The following DPP6 variants were observed in gnomAD, a reference collection of about 807,000 sequenced individuals.
The protein encoded by DPP6 is A-type potassium channel modulatory protein DPP6.
A neutral mutation model predicts 122.6 loss-of-function variants in DPP6; 69 were observed. The ratio of observed to expected loss-of-function variants is 0.56; its 90% CI spans 0.46 to 0.69. The LOEUF (loss-of-function observed/expected upper bound fraction) is 0.69. Ranked by LOEUF, DPP6 falls within the 30% of genes least tolerant of loss-of-function variation. DPP6 has a pLI of 0.00. For synonymous variants in DPP6, 418 were observed against 433.1 expected (o/e 0.97, Z 0.43); for missense variants, 928 against 1,116.9 (o/e 0.83, Z 2.41).
chr7:154,749,277 CA>C (rs1182339115), intron 8 of DPP6, among the ~76,000 whole-genome samples: 1 of 118,830 alleles, frequency 8.4e-6, no homozygotes, highest in Non-Finnish European at 1.8e-5. Flanking sequence ...GAGCATAGGA[CA>C]GGAGGGAGAG....
intron 1 of DPP6, among the ~76,000 whole-genome samples, chr7:154,322,089 C>A (rs1297926878): frequency 7.5e-6 from 1 of 133,570 alleles, no homozygotes; most frequent in East Asian, 2.4e-4. Context: ...GAAGAGCAGA[C>A]CCTCACCCTC....
At chr7:154,739,097 GCTGGGGAATAAATGCTTGGC>G (rs1414558979) in intron 8 of DPP6, among the ~76,000 whole-genome samples, 2 of 152,156 alleles carry the variant, frequency 1.3e-5, no homozygotes, top group Admixed American at 1.3e-4. Context: ...AGGGACACAA[GCTGGGGAATAAATGCTTGGC>G]CTGGGAATGA....
intron 2 of DPP6, among the ~76,000 whole-genome samples, chr7:154,447,104 G>A (rs571920514): frequency 3.3e-5 from 5 of 152,162 alleles, no homozygotes; most frequent in South Asian, 4.1e-4. Context: ...TCAGGAGTTC[G>A]AGACCATCCT....
intron 1 of DPP6, among the ~76,000 whole-genome samples, chr7:154,096,294 G>A (rs1428658397): frequency 1.2e-5 from 1 of 84,564 alleles, no homozygotes; most frequent in Admixed American, 1.6e-4. Context: ...GTGAAATGCC[G>A]TAAATAATCT....
intron 1 of DPP6, among the ~76,000 whole-genome samples, chr7:154,416,711 T>C (rs1817051136): frequency 2.8e-5 from 1 of 35,150 alleles, no homozygotes; most frequent in Admixed American, 5.3e-4. Flanking sequence ...AATTCTCTGC[T>C]AAATTCTAGT....
intron 1 of DPP6, among the ~76,000 whole-genome samples, chr7:153,917,642 A>C (rs1480376027): frequency 1.3e-5 from 2 of 152,196 alleles, no homozygotes; most frequent in Non-Finnish European, 2.9e-5. Context: ...GAAATGAAGG[A>C]CCTTCTTTAA....
intron 10 of DPP6, among the ~76,000 whole-genome samples, chr7:154,776,250 T>C (rs3080704): frequency 6.1e-4 from 39 of 64,424 alleles, no homozygotes; most frequent in African/African-American, 1.8e-3. Flanking sequence ...GATACATAGA[T>C]AGATAGATAG....
intron 1 of DPP6, among the ~76,000 whole-genome samples, chr7:154,233,243 G>A (rs1179757518): frequency 2.0e-5 from 3 of 152,174 alleles, no homozygotes; most frequent in African/African-American, 4.8e-5. Flanking sequence ...TTATAAATTC[G>A]ATGTAGCTGT....
chr7:154,574,719 GT>G (rs1831395102), intron 5 of DPP6, among the ~76,000 whole-genome samples: 3 of 124,832 alleles, frequency 2.4e-5, no homozygotes, highest in African/African-American at 9.0e-5. Context: ...GTATGTGTGT[GT>G]GGGGTGTACG....
intron 1 of DPP6, among the ~76,000 whole-genome samples, chr7:154,298,456 T>G (rs1338210579): frequency 6.6e-6 from 1 of 152,124 alleles, no homozygotes; most frequent in African/African-American, 2.4e-5. Context: ...CCAGAAGCGA[T>G]GTGTGCCTGT....
intron 1 of DPP6, among the ~76,000 whole-genome samples, chr7:154,228,790 A>G (rs1800753846): frequency 6.6e-6 from 1 of 152,228 alleles, no homozygotes. Context: ...TTTTAAAGCA[A>G]TGATGTCAGT....
chr7:153,971,096 G>C (rs1207641896), intron 1 of DPP6, among the ~76,000 whole-genome samples: 1 of 152,064 alleles, frequency 6.6e-6, no homozygotes, highest in Non-Finnish European at 1.5e-5. Context: ...GTAACATTAA[G>C]TGTATTTGCG....
intron 3 of DPP6, among the ~76,000 whole-genome samples, chr7:154,524,876 T>C (rs1225916311): frequency 2.0e-5 from 3 of 152,148 alleles, no homozygotes; most frequent in African/African-American, 7.2e-5. Flanking sequence ...CACTGGTCTT[T>C]GCTTTCTGGC....
In DPP6 at chr7:154,857,242, C is replaced by T. The variant is rs2049484; in HGVS notation, c.1714+3415C>T. ...CATCCCCAGGAGGACAGTAGGGGTC[C>T]CATCTTGCTCAGTGTCTATGTTACA... is the stretch of plus-strand genomic sequence containing the variant. On this transcript the variant is annotated intron_variant, in intron 17 of 25. Coordinates refer to ENST00000377770, the MANE Select transcript of DPP6 (RefSeq NM_130797.4). Among the ~76,000 whole-genome samples the T allele has an allele frequency of 5.9e-3, 905 of 152,230 alleles. 7 individuals are homozygous for T. The highest frequency in any genetic ancestry group is 0.02 in the African/African-American group (846 of 41,532).
In DPP6 at chr7:154,313,712, T is replaced by TATATATATATATATATATATATATGC. The variant is rs1554515587; in HGVS notation, c.244-132499_244-132498insTATATATATATATATATATATGCATA. ...ATATATATATATATATATATATATA[T>TATATATATATATATATATATATATGC]ATACACACACACGCACGCACACACA... On this transcript the variant is annotated intron_variant, in intron 1 of 25. Coordinates refer to ENST00000377770, the MANE Select transcript of DPP6 (RefSeq NM_130797.4). Among the ~76,000 whole-genome samples, 62 of 24,874 alleles carry TATATATATATATATATATATATATGC rather than the reference T, an allele frequency of 2.5e-3. 12 individuals are homozygous for TATATATATATATATATATATATATGC. Among genetic ancestry groups the TATATATATATATATATATATATATGC allele is most frequent in the Admixed American group, 5.5e-3 (11 of 1,996 alleles). 16.3% of individuals were successfully genotyped at this position (24,874 alleles called of 152,430 possible).
chr7:153,843,593 G>A, the DPP6 span, among the ~76,000 whole-genome samples: 17 of 152,240 alleles, frequency 1.1e-4, 1 homozygote, highest in Admixed American at 9.8e-4. Context: ...TGAGGGTGGG[G>A]GTAGGTTAGT....
intron 1 of DPP6, among the ~76,000 whole-genome samples, chr7:154,422,062 C>A (rs1817513249): frequency 6.6e-6 from 1 of 152,134 alleles, no homozygotes. Context: ...TTGCTACCAC[C>A]CTTTGGCCCA....
chr7:154,313,411 A>G (rs1563459343), intron 1 of DPP6, among the ~76,000 whole-genome samples: 2 of 152,036 alleles, frequency 1.3e-5, no homozygotes, highest in African/African-American at 2.4e-5. Flanking sequence ...GAAAACAGCA[A>G]TGGGCTTGTA....
intron 3 of DPP6, among the ~76,000 whole-genome samples, chr7:154,523,044 G>A (rs975340507): frequency 4.6e-5 from 7 of 152,194 alleles, no homozygotes; most frequent in African/African-American, 1.7e-4. Context: ...GCTCCTCACT[G>A]ACCGAGTCAT....
Sources: allele counts gnomAD v4.1 joint callset (sites outside exome capture counted in the v4.1 genomes callset), GRCh38; gene constraint gnomAD v4.1.1; transcripts MANE v1.5; gene names NCBI Gene and HGNC (gene_info 2026-07-23, HGNC 2026-07-21).